ADAMTS10: variants seen among roughly 807,000 people sequenced by gnomAD.
ADAMTS10 encodes the protein A disintegrin and metalloproteinase with thrombospondin motifs 10.
Under a neutral mutation model 135.9 loss-of-function variants are expected in ADAMTS10, and 48 were observed. The observed-to-expected ratio is 0.35, with a 90% CI of 0.28 to 0.45. ADAMTS10 has a LOEUF of 0.45. Among genes scored for constraint, ADAMTS10 ranks in the 20% least tolerant of loss-of-function variants. ADAMTS10 has a pLI of 1.00. For synonymous variants in ADAMTS10, 621 were observed against 647.5 expected (o/e 0.96, Z 0.62); for missense variants, 1,131 against 1,565.2 (o/e 0.72, Z 4.68).
intron 13 of ADAMTS10, 116 bp downstream of exon 13, chr19:8,592,647 C>T (rs970939537): frequency 1.4e-5 from 15 of 1,058,606 alleles, no homozygotes; most frequent in South Asian, 9.9e-5. Flanking sequence ...AAATGGCGGG[C>T]GTGGCCAATG....
intron 6 of ADAMTS10, among the ~76,000 whole-genome samples, chr19:8,600,272 G>A (rs2042648162): frequency 6.6e-6 from 1 of 152,180 alleles, no homozygotes. Flanking sequence ...GCAGAGAGGT[G>A]AAGTAACTTG....
In ADAMTS10 at chr19:8,592,098, G is replaced by A. The variant is rs782465224; in HGVS notation, c.1593C>T (p.Cys531=). 2.0e-5 allele frequency: 32 copies of A among 1,613,662 alleles called. No individual in the cohort carries two copies. The South Asian group carries it at 3.5e-4, about 18-fold the overall frequency. ...CQTHTIDKGW[C]YKRVCVPFGS... ...CAAAGGGGACACAGACCCGTTTGTA[G>A]CACCACTGGGTGGGGGGAGACAGGA... Residue 531 remains cysteine (C), a synonymous_variant, in exon 14 of 26, where the codon TGC becomes TGT. Transcript: ENST00000597188.
intron 18 of ADAMTS10, among the ~76,000 whole-genome samples, chr19:8,587,162 T>C (rs547259333): frequency 1.3e-5 from 2 of 151,318 alleles, no homozygotes; most frequent in Non-Finnish European, 2.9e-5. Flanking sequence ...TTTCTTTCTT[T>C]CTTTTTTTTT....
Position 8,586,771 on chromosome 19 carries a change from C to A in ADAMTS10, c.2239+45G>T, listed in dbSNP as rs782733580. 55 of 1,613,916 alleles carry A rather than the reference C, an allele frequency of 3.4e-5. 1 individual carries two copies. The South Asian group carries it at 5.9e-4, about 17-fold the overall frequency. On this transcript the variant is annotated intron_variant, in intron 19 of 25. Transcript: ENST00000597188. The stretch of plus-strand genomic sequence containing the variant: ...ATTCTAGTCATGCTGAAACCGCCCT[C>A]CCCACTGACCCCTAATCCTCATCCC...
chr19:8,584,692 G>A (rs1205991584), intron 25 of ADAMTS10, among the ~76,000 whole-genome samples: 6 of 152,170 alleles, frequency 3.9e-5, no homozygotes, highest in Non-Finnish European at 8.8e-5. Flanking sequence ...GCACAGAAGG[G>A]TCAGGTGCCT....
chr19:8,581,826 C>T (rs1357272126), intron 25 of ADAMTS10, among the ~76,000 whole-genome samples: 2 of 149,482 alleles, frequency 1.3e-5, no homozygotes, highest in Admixed American at 1.3e-4. Flanking sequence ...CAGAGCGAGA[C>T]TCTGTCACAA....
intron 15 of ADAMTS10, 97 bp from the exon 16 acceptor site, chr19:8,590,088 T>A: frequency 1.1e-6 from 1 of 887,148 alleles, no homozygotes; most frequent in Non-Finnish European, 1.8e-6. Flanking sequence ...GGAGGGAGGC[T>A]AGAGGCAGGG....
chr19:8,597,310 T>C lies in ADAMTS10; in HGVS notation c.818A>G (p.Lys273Arg), dbSNP rs1441779777. 1.9e-6 allele frequency: 3 copies of C among 1,613,684 alleles called. No individual in the cohort carries two copies. Among genetic ancestry groups the C allele is most frequent in the African/African-American group, 2.7e-5 (2 of 74,908 alleles). The stretch of plus-strand genomic sequence containing the variant: ...TCCCAGACTCGAGTCCTGGAAAAGT[T>C]TGGCAACCTGACCTCCAAGAAACAA... ...YVLAIMNIVA[K>R]LFQDSSLGST... is the part of the protein sequence containing the mutation. Residue 273 changes from lysine to arginine, a missense_variant, in exon 7 of 26, where the codon AAA becomes AGA. Coordinates refer to ENST00000597188, the MANE Select transcript of ADAMTS10 (RefSeq NM_030957.4).
chr19:8,584,171 A>G (rs2146035836), intron 25 of ADAMTS10, among the ~76,000 whole-genome samples: 1 of 151,134 alleles, frequency 6.6e-6, no homozygotes, highest in African/African-American at 2.4e-5. Flanking sequence ...AAAAAAAAAA[A>G]AAAAAAGTAA....
chr19:8,584,925 C>A lies in ADAMTS10; in HGVS notation c.3172G>T (p.Asp1058Tyr). 3.2e-6 allele frequency: 5 copies of A among 1,548,934 alleles called. No homozygotes were observed. The highest frequency in any genetic ancestry group is 4.4e-6 in the Non-Finnish European group (5 of 1,146,480). The change falls in exon 25 of 26, where the codon GAC becomes TAC. Residue 1058 changes from aspartate (D) to tyrosine (Y), a missense_variant. Asp to Tyr is a radical substitution (Grantham distance 160). This residue lies in a region of ADAMTS10 where 745 missense variants were observed against 1,056.3 expected (regional missense o/e 0.71). Coordinates refer to ENST00000597188, the MANE Select transcript of ADAMTS10 (RefSeq NM_030957.4). ...PTTQQCEAKCDSPTPGDGPEE... is the reference protein window; with the variant it reads ...PTTQQCEAKCYSPTPGDGPEE... ...GGGCCGTCCCCGGGGGTTGGGCTGT[C>A]GCACTTGGCCTCACACTGCTGCGTG... is the stretch of plus-strand genomic sequence containing the variant.
At chr19:8,600,711 G>C (rs1412172739) in intron 6 of ADAMTS10, among the ~76,000 whole-genome samples, 1 of 151,874 alleles carries the variant, frequency 6.6e-6, no homozygotes, top group Non-Finnish European at 1.5e-5. Flanking sequence ...TGTTAGCCAG[G>C]ATGGTCTCCA....
intron 12 of ADAMTS10, 64 bp downstream of exon 12, chr19:8,595,698 T>TGC: frequency 2.9e-5 from 38 of 1,291,928 alleles, no homozygotes; most frequent in Non-Finnish European, 3.8e-5. Context: ...CTGGTGGAGT[T>TGC]CCCTCCCCCA....
rs1555742224 is a variant in ADAMTS10 at position 8,605,058 on chromosome 19, C to A, written c.389G>T (p.Gly130Val). ...GGCCACATGGGAGCTGCTGGCCTGG[C>A]CCTGCAGGTGACCAGCGTAGAGGCA... Reference protein sequence around the residue: ...PHCLYAGHLQGQASSSHVAIS... With the variant: ...PHCLYAGHLQVQASSSHVAIS... Residue 130 changes from glycine (G) to valine (V), a missense_variant, in exon 4 of 26, where the codon GGC (glycine) becomes GTC (valine). Gly to Val is a moderately radical substitution (Grantham distance 109). Coordinates refer to ENST00000597188, the MANE Select transcript of ADAMTS10 (RefSeq NM_030957.4). The surrounding 1 kb of genome is among the most constrained non-coding windows in gnomAD (Gnocchi z 7.7). 1 of 1,611,396 alleles carries A rather than the reference C, an allele frequency of 6.2e-7. No individual in the cohort carries two copies. The highest frequency in any genetic ancestry group is 8.5e-7 in the Non-Finnish European group (1 of 1,179,228).
rs1322172888 is a variant in ADAMTS10, at chr19:8,592,824, A to G, written c.1526T>C (p.Ile509Thr). ...CTCGGCGGCCGGGATGCTGTTGGTGATGCACCGGTTGCTCTTGCTCAGACA... is the reference window on the plus strand; with the variant it reads ...CTCGGCGGCCGGGATGCTGTTGGTGGTGCACCGGTTGCTCTTGCTCAGACA... ...LWCLSKSNRC[I>T]TNSIPAAEGT... Residue 509 changes from isoleucine to threonine, a missense_variant, in exon 13 of 26, where the codon ATC becomes ACC. This residue lies in a region of ADAMTS10 where 745 missense variants were observed against 1,056.3 expected (regional missense o/e 0.71). Coordinates refer to ENST00000597188, the MANE Select transcript of ADAMTS10 (RefSeq NM_030957.4). The G allele has an allele frequency of 9.9e-6, 16 of 1,612,948 alleles. No homozygotes were observed. The highest frequency in any genetic ancestry group is 2.7e-5 in the African/African-American group (2 of 74,910).
rs1555738968 is a variant in ADAMTS10, at chr19:8,591,796, TCA to T, written c.1797+2_1797+3del. 1 of 1,613,756 alleles carries T rather than the reference TCA, an allele frequency of 6.2e-7. No homozygotes were observed. The highest frequency in any genetic ancestry group is 8.5e-7 in the Non-Finnish European group (1 of 1,180,026). On this transcript the variant is annotated splice_donor_variant and splice_donor_region_variant and intron_variant, in intron 15 of 25. Transcript: ENST00000597188. LOFTEE classifies it high-confidence loss of function. ...CACCCCTCAAGGGGTTTGGGGGAAC[TCA>T]CATCCGTGTTGCAGGAGCGGTGCCG...
At position 8,595,821 on chromosome 19, in the gene ADAMTS10, C is replaced by A. The variant is rs891068964; in HGVS notation, c.1420G>T (p.Asp474Tyr). 1 of 1,614,122 alleles carries A rather than the reference C, an allele frequency of 6.2e-7. No homozygotes were observed. Among genetic ancestry groups the A allele is most frequent in the Non-Finnish European group, 8.5e-7 (1 of 1,179,996 alleles). The change falls in exon 12 of 26, where the codon GAT becomes TAT. Residue 474 changes from aspartate (D) to tyrosine (Y), a missense_variant. This residue lies in a region of ADAMTS10 where 745 missense variants were observed against 1,056.3 expected (regional missense o/e 0.71). Transcript: ENST00000597188. Reference sequence around the variant, plus strand: ...TGAAAGCGGCATTGCTCATCTGCATCGTAGGCTTGGCCCGGTGCCACTGTC... The same window carrying A: ...TGAAAGCGGCATTGCTCATCTGCATAGTAGGCTTGGCCCGGTGCCACTGTC... ...YPTVAPGQAYDADEQCRFQHG... is the reference protein window; with the variant it reads ...YPTVAPGQAYYADEQCRFQHG...
chr19:8,592,356 G>A, intron 13 of ADAMTS10: 3 of 711,680 alleles, frequency 4.2e-6, no homozygotes, highest in South Asian at 3.8e-5. Flanking sequence ...CACGATAAGC[G>A]TGGAGACGAG....
At chr19:8,583,934 G>A (rs1471347477) in intron 25 of ADAMTS10, among the ~76,000 whole-genome samples, 3 of 151,928 alleles carry the variant, frequency 2.0e-5, no homozygotes, top group Admixed American at 6.6e-5. Flanking sequence ...CAAGGCCGGC[G>A]GATCACAAGG....
intron 25 of ADAMTS10, among the ~76,000 whole-genome samples, chr19:8,583,812 G>C (rs1019136893): frequency 6.8e-6 from 1 of 147,526 alleles, no homozygotes; most frequent in Non-Finnish European, 1.5e-5. Context: ...AGCCGAGATC[G>C]CTCTACTGCA....
Sources: gnomAD v4.1 joint callset for allele counts (sites outside exome capture counted in the v4.1 genomes callset) on GRCh38, gnomAD v4.1.1 for gene constraint, gnomAD v4.1.1 regional missense constraint, Gnocchi (gnomAD v3.1) non-coding constraint, MANE v1.5 for transcripts, NCBI Gene and HGNC (gene_info 2026-07-23, HGNC 2026-07-21) for gene names.